The following NAA16 variants were observed in gnomAD, a reference collection of about 807,000 sequenced individuals.
NAA16 encodes N-alpha-acetyltransferase 16, NatA auxiliary subunit, also known as NARG1-like protein.
A neutral mutation model predicts 110.3 loss-of-function variants in NAA16; 97 were observed. That is an observed-to-expected ratio of 0.88 (90% confidence interval 0.75 to 1.04). The LOEUF (loss-of-function observed/expected upper bound fraction) is 1.04. Among genes scored for constraint, NAA16 ranks in the 50% least tolerant of loss-of-function variants. NAA16 has a pLI of 0.00. For missense variants in NAA16, 1,017 were observed against 1,005.1 expected (o/e 1.01, Z -0.16); for synonymous variants, 372 against 330.6 (o/e 1.13, Z -1.36).
intron 10 of NAA16, among the ~76,000 whole-genome samples, chr13:41,357,045 C>T (rs150035584): frequency 2.8e-3 from 421 of 152,272 alleles, no homozygotes; most frequent in African/African-American, 9.8e-3. Context: ...CGTGGGGGCA[C>T]GGTGGCTCCA....
At chr13:41,341,887 A>C (rs1332598876) in intron 9 of NAA16, among the ~76,000 whole-genome samples, 1 of 148,898 alleles carries the variant, frequency 6.7e-6, no homozygotes, top group Non-Finnish European at 1.5e-5. Context: ...GCTGGAGTGC[A>C]GTGGCGCAAT....
intron 9 of NAA16, among the ~76,000 whole-genome samples, chr13:41,342,303 A>G (rs2042573452): frequency 6.6e-6 from 1 of 151,908 alleles, no homozygotes; most frequent in African/African-American, 2.4e-5. Flanking sequence ...ATGCCTGGCT[A>G]ATTTTTTGTA....
chr13:41,367,938 C>A (rs1245262090), intron 14 of NAA16, among the ~76,000 whole-genome samples: 1 of 152,092 alleles, frequency 6.6e-6, no homozygotes, highest in Non-Finnish European at 1.5e-5. Flanking sequence ...TGGTTCACGC[C>A]TGTAATCACA....
chr13:41,327,626 A>G (rs942627063), intron 6 of NAA16, among the ~76,000 whole-genome samples: 4 of 152,010 alleles, frequency 2.6e-5, no homozygotes, highest in Admixed American at 6.6e-5. Context: ...GCTTCATGGT[A>G]GTAGCAGATA....
intron 13 of NAA16, chr13:41,362,737 C>A (rs760402977): frequency 1.4e-5 from 18 of 1,289,640 alleles, no homozygotes; most frequent in Non-Finnish European, 1.5e-5. Context: ...GAAGCACTCT[C>A]CTTCCACATG....
intron 14 of NAA16, among the ~76,000 whole-genome samples, chr13:41,368,762 G>A (rs1211640764): frequency 6.6e-6 from 1 of 152,010 alleles, no homozygotes; most frequent in Non-Finnish European, 1.5e-5. Context: ...TATTTACATA[G>A]CATTTACATT....
chr13:41,339,327 C>T (rs1390600171), intron 9 of NAA16, among the ~76,000 whole-genome samples: 3 of 151,970 alleles, frequency 2.0e-5, no homozygotes, highest in Non-Finnish European at 2.9e-5. Context: ...TTAGTAAAGA[C>T]GAGGTTTCTC....
chr13:41,318,751 A>G, intron 2 of NAA16, 55 bp from the exon 3 acceptor site: 7 of 904,152 alleles, frequency 7.7e-6, no homozygotes, highest in Non-Finnish European at 1.1e-5. Context: ...CTATTAAGAG[A>G]ATAAGAGAAT....
intron 1 of NAA16, among the ~76,000 whole-genome samples, chr13:41,314,879 C>T (rs558859521): frequency 7.2e-5 from 11 of 152,204 alleles, no homozygotes; most frequent in Admixed American, 3.3e-4. Context: ...CACCTGTAGT[C>T]CTTCCTATCC....
At chr13:41,346,694 A>G (rs1034113600) in intron 9 of NAA16, among the ~76,000 whole-genome samples, 2 of 152,100 alleles carry the variant, frequency 1.3e-5, no homozygotes, top group African/African-American at 4.8e-5. Flanking sequence ...TATAAGGGCC[A>G]GATAGAGGAG....
intron 19 of NAA16, among the ~76,000 whole-genome samples, chr13:41,375,101 C>T (rs377303932): frequency 9.8e-5 from 15 of 152,312 alleles, no homozygotes; most frequent in East Asian, 5.8e-4. Context: ...GTCCTTAGTG[C>T]CTGGCACGTT....
intron 18 of NAA16, 188 bp downstream of exon 18, chr13:41,373,968 A>C: frequency 2.3e-6 from 2 of 866,730 alleles, no homozygotes; most frequent in Non-Finnish European, 1.5e-6. Flanking sequence ...GTAATACCAG[A>C]TTTAAAGTGA....
chr13:41,360,791 G>C (rs1205044458), intron 12 of NAA16, among the ~76,000 whole-genome samples: 1 of 152,160 alleles, frequency 6.6e-6, no homozygotes, highest in Non-Finnish European at 1.5e-5. Flanking sequence ...AGATTTTTCA[G>C]TTTAGAACTT....
chr13:41,318,652 C>G (rs2041868980), intron 2 of NAA16, among the ~76,000 whole-genome samples, 154 bp from the exon 3 acceptor site: 1 of 152,142 alleles, frequency 6.6e-6, no homozygotes, highest in Admixed American at 6.5e-5. Context: ...TGTAGTTTTA[C>G]TTTTTCTACT....
In NAA16 at chr13:41,325,829, A is replaced by C; in HGVS notation, c.669A>C (p.Lys223Asn). The C allele has an allele frequency of 6.2e-7, 1 of 1,602,010 alleles. No homozygotes were observed. The highest frequency in any genetic ancestry group is 8.5e-7 in the Non-Finnish European group (1 of 1,175,658). The change falls in exon 6 of 20, where the codon AAA becomes AAC. Residue 223 changes from lysine (K) to asparagine (N), a missense_variant. Coordinates refer to ENST00000379406, the MANE Select transcript of NAA16 (RefSeq NM_024561.5). ...IEMYEKQICD[K>N]LLVEEIKGEI... ...TGTATGAGAAACAAATATGTGATAA[A>C]CTTTTGGTGGAAGAAATTAAAGGTA...
intron 6 of NAA16, 71 bp downstream of exon 6, chr13:41,325,922 A>G: frequency 7.9e-7 from 1 of 1,258,482 alleles, no homozygotes. Flanking sequence ...ATTCTCTCCT[A>G]AGTCTTACGT....
Position 41,358,881 on chromosome 13 carries a change from C to T in NAA16, c.1329C>T (p.Phe443=), listed in dbSNP as rs780908135. 1 of 1,612,574 alleles carries T rather than the reference C, an allele frequency of 6.2e-7. No homozygotes were observed. The highest frequency in any genetic ancestry group is 8.5e-7 in the Non-Finnish European group (1 of 1,178,958). Residue 443 remains phenylalanine, a synonymous_variant, in exon 12 of 20, where the codon TTC becomes TTT. Coordinates refer to ENST00000379406, the MANE Select transcript of NAA16 (RefSeq NM_024561.5). ...EAQSLDTADR[F]INSKCAKYML... is the part of the protein sequence containing the mutation. Reference sequence around the variant, plus strand: ...AGTCTTTGGACACAGCTGATAGATTCATCAATTCCAAATGTGCAAAATACA... The same window carrying T: ...AGTCTTTGGACACAGCTGATAGATTTATCAATTCCAAATGTGCAAAATACA...
At chr13:41,340,391 T>C (rs1233364777) in intron 9 of NAA16, among the ~76,000 whole-genome samples, 9 of 152,152 alleles carry the variant, frequency 5.9e-5, no homozygotes, top group Non-Finnish European at 8.8e-5. Context: ...TTGTTTGCCC[T>C]TGCTTCTCTA....
intron 15 of NAA16, among the ~76,000 whole-genome samples, chr13:41,371,438 C>G (rs941257935): frequency 6.6e-6 from 1 of 152,170 alleles, no homozygotes; most frequent in African/African-American, 2.4e-5. Flanking sequence ...CCTGCCTCTT[C>G]TGCCTCCCTT....
Sources: gnomAD v4.1 joint callset for allele counts (sites outside exome capture counted in the v4.1 genomes callset) on GRCh38, gnomAD v4.1.1 for gene constraint, MANE v1.5 for transcripts, NCBI Gene and HGNC (gene_info 2026-07-23, HGNC 2026-07-21) for gene names.